The following ZFYVE16 variants were observed in gnomAD, a reference collection of about 807,000 sequenced individuals.
ZFYVE16 encodes zinc finger FYVE domain-containing protein 16.
A neutral mutation model predicts 138.1 loss-of-function variants in ZFYVE16; 89 were observed. The observed-to-expected ratio is 0.64, with a 90% CI of 0.54 to 0.77. The LOEUF (loss-of-function observed/expected upper bound fraction) is 0.77. ZFYVE16 is among the 30% of genes least tolerant of loss of function. ZFYVE16 has a pLI of 0.00. For missense variants in ZFYVE16, 1,793 were observed against 1,786.7 expected, an observed-to-expected ratio of 1.00 and a Z score of -0.06; for synonymous variants, 596 against 618.3, an observed-to-expected ratio of 0.96 and a Z score of 0.53.
rs568781451 is a variant in ZFYVE16 at position 80,432,242 on chromosome 5, G to A, written c.-39-1867G>A. On this transcript the variant is annotated intron_variant, in intron 2 of 18. Coordinates refer to ENST00000505560, the MANE Select transcript of ZFYVE16 (RefSeq NM_001284236.3). Reference sequence around the variant, plus strand: ...GTACTGGTACCAAAACAGAGATATAGACAAATGGAACAGAACAGAGCCCTC... The same window carrying A: ...GTACTGGTACCAAAACAGAGATATAAACAAATGGAACAGAACAGAGCCCTC... Among the ~76,000 whole-genome samples, 1,391 of 152,224 alleles carry A rather than the reference G, an allele frequency of 9.1e-3. 23 individuals are homozygous for A. Among genetic ancestry groups the A allele is most frequent in the African/African-American group, 0.033 (1,357 of 41,532 alleles).
At chr5:80,469,745 A>G (rs1418337847) in intron 15 of ZFYVE16, among the ~76,000 whole-genome samples, 1 of 150,444 alleles carries the variant, frequency 6.6e-6, no homozygotes, top group Non-Finnish European at 1.5e-5. Context: ...TTTTTCTTCA[A>G]TGTTTTTTCT....
At chr5:80,452,814 T>C (rs568541379) in intron 11 of ZFYVE16, among the ~76,000 whole-genome samples, 1 of 152,298 alleles carries the variant, frequency 6.6e-6, no homozygotes, top group East Asian at 1.9e-4. Flanking sequence ...CCTGTATCAT[T>C]CATGTGTATG....
chr5:80,462,612 G>A (rs892143253), intron 15 of ZFYVE16, among the ~76,000 whole-genome samples: 14 of 152,138 alleles, frequency 9.2e-5, no homozygotes, highest in South Asian at 2.1e-4. Flanking sequence ...CAAATCTCAC[G>A]TCCTCACATT....
chr5:80,481,944 T>C lies in ZFYVE16; in HGVS notation c.*4567T>C, dbSNP rs1425990022. Among the ~76,000 whole-genome samples the C allele has an allele frequency of 6.6e-6, 1 of 152,154 alleles. No homozygotes were observed. Among genetic ancestry groups the C allele is most frequent in the Non-Finnish European group, 1.5e-5 (1 of 68,034 alleles). ...AAGTGATTCTCCTGTCTCAGCCTCC[T>C]GAGTAGCTGTGACTACAGGTGTGTA... On this transcript the variant is annotated 3_prime_UTR_variant, in exon 19 of 19. Coordinates refer to ENST00000505560, the MANE Select transcript of ZFYVE16 (RefSeq NM_001284236.3).
At chr5:80,470,322 C>T (rs1246442743) in intron 15 of ZFYVE16, among the ~76,000 whole-genome samples, 3 of 151,384 alleles carry the variant, frequency 2.0e-5, no homozygotes, top group Non-Finnish European at 4.4e-5. Flanking sequence ...AGGATGGTCT[C>T]GATCTCCTGA....
intron 2 of ZFYVE16, among the ~76,000 whole-genome samples, chr5:80,432,376 A>G (rs1749179353): frequency 6.6e-6 from 1 of 152,238 alleles, no homozygotes; most frequent in Non-Finnish European, 1.5e-5. Context: ...AAAACTGGCT[A>G]GCCATATGTA....
intron 15 of ZFYVE16, among the ~76,000 whole-genome samples, chr5:80,463,567 T>G (rs926910192): frequency 1.3e-5 from 2 of 152,210 alleles, no homozygotes; most frequent in African/African-American, 2.4e-5. Flanking sequence ...CCCATTGTCT[T>G]GGGGATTAAT....
intron 2 of ZFYVE16, among the ~76,000 whole-genome samples, chr5:80,427,971 C>CAAACAAAA (rs1748367125): frequency 2.1e-5 from 1 of 48,104 alleles, no homozygotes; most frequent in Non-Finnish European, 3.1e-5. Context: ...GACTCCATCT[C>CAAACAAAA]AAAAAAAAAA....
At position 80,481,701 on chromosome 5, in the gene ZFYVE16, A is replaced by G. The variant is rs1193926721; in HGVS notation, c.*4324A>G. Among the ~76,000 whole-genome samples the G allele has an allele frequency of 6.6e-6, 1 of 152,216 alleles. No homozygotes were observed. Among genetic ancestry groups the G allele is most frequent in the Non-Finnish European group, 1.5e-5 (1 of 68,032 alleles). ...AAATATATCCCAGAAACAACCCAAA[A>G]TGATTGGACAAAGAACTTGTGAAAC... is the stretch of plus-strand genomic sequence containing the variant. On this transcript the variant is annotated 3_prime_UTR_variant, in exon 19 of 19. Coordinates refer to ENST00000505560, the MANE Select transcript of ZFYVE16 (RefSeq NM_001284236.3).
chr5:80,474,535 A>T, intron 17 of ZFYVE16, 128 bp from the exon 18 acceptor site: 1 of 945,806 alleles, frequency 1.1e-6, no homozygotes. Context: ...AGCTATCGAT[A>T]CAGAATTCTC....
At position 80,474,756 on chromosome 5, in the gene ZFYVE16, T is replaced by C; in HGVS notation, c.4387T>C (p.Cys1463Arg). ...AGCCATGGCTTGTAGTGCTGCGCTG[T>C]GCCCTCACCTGAAAACTCTAAAAAG... Reference protein sequence around the residue: ...EIAMACSAALCPHLKTLKSNG... With the variant: ...EIAMACSAALRPHLKTLKSNG... The change falls in exon 18 of 19, where the codon TGC becomes CGC. Residue 1463 changes from cysteine (C) to arginine (R), a missense_variant. Coordinates refer to ENST00000505560, the MANE Select transcript of ZFYVE16 (RefSeq NM_001284236.3). 1 of 1,613,978 alleles carries C rather than the reference T, an allele frequency of 6.2e-7. No homozygotes were observed. The highest frequency in any genetic ancestry group is 8.5e-7 in the Non-Finnish European group (1 of 1,179,894).
At chr5:80,412,056 G>A (rs1745531423) in intron 1 of ZFYVE16, among the ~76,000 whole-genome samples, 1 of 152,174 alleles carries the variant, frequency 6.6e-6, no homozygotes, top group Non-Finnish European at 1.5e-5. Context: ...AGGCTCTGGA[G>A]TAGCTGAGAC....
At chr5:80,446,187 G>A (rs190746715) in intron 7 of ZFYVE16, among the ~76,000 whole-genome samples, 1 of 152,044 alleles carries the variant, frequency 6.6e-6, no homozygotes, top group African/African-American at 2.4e-5. Flanking sequence ...GTGAGCCACC[G>A]TGCCTGGCCC....
chr5:80,461,685 C>G (rs570692422), intron 15 of ZFYVE16, among the ~76,000 whole-genome samples: 1 of 152,184 alleles, frequency 6.6e-6, no homozygotes, highest in South Asian at 2.1e-4. Flanking sequence ...TCTAAGAACA[C>G]CAGTCCTAGG....
chr5:80,423,639 C>T (rs975740767), intron 1 of ZFYVE16, among the ~76,000 whole-genome samples: 2 of 151,706 alleles, frequency 1.3e-5, no homozygotes, highest in Non-Finnish European at 2.9e-5. Context: ...AGGTTCACGC[C>T]ATTCTCCTGC....
chr5:80,420,434 A>T (rs1011060967), intron 1 of ZFYVE16, among the ~76,000 whole-genome samples: 1 of 152,160 alleles, frequency 6.6e-6, no homozygotes, highest in African/African-American at 2.4e-5. Flanking sequence ...TCCTAATGCT[A>T]TCCCTCCCAC....
chr5:80,448,378 T>C lies in ZFYVE16; in HGVS notation c.3077T>C (p.Leu1026Pro). The C allele has an allele frequency of 6.4e-7, 1 of 1,559,342 alleles. No individual in the cohort carries two copies. Among genetic ancestry groups the C allele is most frequent in the Non-Finnish European group, 8.7e-7 (1 of 1,156,016 alleles). Residue 1026 changes from leucine to proline, a missense_variant, in exon 8 of 19, where the codon CTG becomes CCG. This residue lies in a region of ZFYVE16 where 1,295 missense variants were observed against 1,204.3 expected (regional missense o/e 1.08). Coordinates refer to ENST00000505560, the MANE Select transcript of ZFYVE16 (RefSeq NM_001284236.3). ...PNDEDSLPPL[L>P]VASGEKGSVP... ...GATGAGGACAGTTTGCCCCCACTTCTGGTTGCATCTGGAGAAAAGGGATCA... is the reference window on the plus strand; with the variant it reads ...GATGAGGACAGTTTGCCCCCACTTCCGGTTGCATCTGGAGAAAAGGGATCA...
intron 9 of ZFYVE16, 23 bp from the exon 10 acceptor site, chr5:80,450,408 G>A: frequency 6.2e-7 from 1 of 1,606,062 alleles, no homozygotes; most frequent in South Asian, 1.1e-5. Context: ...GACATTAATA[G>A]TTATATTCTT....
At chr5:80,477,059 A>G (rs558893522) in intron 18 of ZFYVE16, among the ~76,000 whole-genome samples, 160 bp from the exon 19 acceptor site, 171 of 152,340 alleles carry the variant, frequency 1.1e-3, no homozygotes, top group South Asian at 1.9e-3. Flanking sequence ...TAGTAGACAG[A>G]TAAAAGATAC....
Sources: gnomAD v4.1 joint callset for allele counts (sites outside exome capture counted in the v4.1 genomes callset) on GRCh38, gnomAD v4.1.1 for gene constraint, gnomAD v4.1.1 regional missense constraint, MANE v1.5 for transcripts, NCBI Gene and HGNC (gene_info 2026-07-23, HGNC 2026-07-21) for gene names.